The following B3GALT1 variants were observed in gnomAD, a reference collection of about 807,000 sequenced individuals.
B3GALT1 encodes the protein UDP-Gal:betaGlcNAc beta 1,3-galactosyltransferase, polypeptide 1.
Under a neutral mutation model 23.2 loss-of-function variants are expected in B3GALT1, and 10 were observed. That is an observed-to-expected ratio of 0.43 (90% CI 0.27 to 0.73). The LOEUF is 0.73. Among genes scored for constraint, B3GALT1 ranks in the 30% least tolerant of loss-of-function variants. The probability of loss-of-function intolerance (pLI) is 0.21; values close to 1 mark genes in which losing one functional copy is unlikely to be tolerated. For missense variants in B3GALT1, 299 were observed against 405.4 expected, an observed-to-expected ratio of 0.74 and a Z score of 2.25; for synonymous variants, 156 against 141.5, an observed-to-expected ratio of 1.10 and a Z score of -0.73.
chr2:167,475,916 G>T (rs924949487), intron 1 of B3GALT1, among the ~76,000 whole-genome samples: 5 of 152,266 alleles, frequency 3.3e-5, no homozygotes, highest in African/African-American at 1.2e-4. Flanking sequence ...AGCAGCAGCA[G>T]CCAAGGCAAC....
At chr2:167,689,195 T>C (rs1574214047) in intron 3 of B3GALT1, among the ~76,000 whole-genome samples, 1 of 146,686 alleles carries the variant, frequency 6.8e-6, no homozygotes, top group Non-Finnish European at 1.5e-5. Context: ...GCATTACTTA[T>C]AGAGCAAAAC....
intron 1 of B3GALT1, among the ~76,000 whole-genome samples, chr2:167,310,546 C>T (rs1214686299): frequency 1.3e-5 from 2 of 151,998 alleles, no homozygotes; most frequent in East Asian, 1.9e-4. Context: ...GGGAAGGAAT[C>T]AAACCGGTAT....
At chr2:167,822,389 AAC>A (rs1378722172) in intron 4 of B3GALT1, among the ~76,000 whole-genome samples, 3 of 152,192 alleles carry the variant, frequency 2.0e-5, no homozygotes, top group South Asian at 2.1e-4. Flanking sequence ...CTGTGTAATT[AAC>A]ACAGTCTTGA....
At chr2:167,570,439 G>A (rs909122835) in intron 2 of B3GALT1, among the ~76,000 whole-genome samples, 1 of 151,806 alleles carries the variant, frequency 6.6e-6, no homozygotes, top group African/African-American at 2.4e-5. Context: ...TGAGCGTACA[G>A]TTGTTCATGG....
chr2:167,698,376 A>G (rs1686818888), intron 3 of B3GALT1, among the ~76,000 whole-genome samples: 2 of 152,316 alleles, frequency 1.3e-5, no homozygotes, highest in African/African-American at 4.8e-5. Flanking sequence ...TCTCCTTCCT[A>G]TTTTGCAATC....
chr2:167,497,737 G>A (rs771474493), intron 2 of B3GALT1, among the ~76,000 whole-genome samples: 1 of 151,904 alleles, frequency 6.6e-6, no homozygotes, highest in Non-Finnish European at 1.5e-5. Flanking sequence ...GCAACAAAAA[G>A]ATTAGGAAGA....
intron 3 of B3GALT1, among the ~76,000 whole-genome samples, chr2:167,791,911 G>A (rs1417393297): frequency 2.0e-5 from 3 of 150,936 alleles, no homozygotes; most frequent in Admixed American, 6.6e-5. Flanking sequence ...AGATAAAAAA[G>A]CAAAAATACT....
chr2:167,745,223 T>C (rs1687635305), intron 3 of B3GALT1, among the ~76,000 whole-genome samples: 1 of 152,188 alleles, frequency 6.6e-6, no homozygotes, highest in Non-Finnish European at 1.5e-5. Flanking sequence ...ATATTAATTC[T>C]ATTCTAAAAC....
chr2:167,618,132 C>T (rs938253163), intron 2 of B3GALT1, among the ~76,000 whole-genome samples: 1 of 152,036 alleles, frequency 6.6e-6, no homozygotes, highest in African/African-American at 2.4e-5. Flanking sequence ...TTACCTGTCC[C>T]TCTATGAAAA....
At chr2:167,590,292 G>A (rs1036419942) in intron 2 of B3GALT1, among the ~76,000 whole-genome samples, 9 of 149,184 alleles carry the variant, frequency 6.0e-5, no homozygotes, top group Non-Finnish European at 8.9e-5. Context: ...CTTGCAGTGC[G>A]CTGAGATCGT....
rs541248218 is a variant in B3GALT1, at chr2:167,870,300, C to T, written c.*280C>T. ...CCAAACAACTCTTAGGATTGACGTA[C>T]CGTGCATCTGAGATAAAAATTTGGT... On this transcript the variant is annotated 3_prime_UTR_variant, in exon 5 of 5. Coordinates refer to ENST00000392690, the MANE Select transcript of B3GALT1 (RefSeq NM_020981.4). 1.0e-4 allele frequency: 30 copies of T among 287,608 alleles called. No homozygotes were observed. The South Asian group carries it at 3.3e-3, about 32-fold the overall frequency. 17.8% of individuals were successfully genotyped at this position (287,608 alleles called of 1,614,324 possible). A position where few individuals can be genotyped will look rare whatever the true frequency, so the allele number is the denominator to read the frequency against.
intron 3 of B3GALT1, among the ~76,000 whole-genome samples, chr2:167,682,279 T>C (rs1558947739): frequency 6.6e-6 from 1 of 152,218 alleles, no homozygotes; most frequent in Non-Finnish European, 1.5e-5. Flanking sequence ...ATAAATAAGA[T>C]AATGACCTTT....
chr2:167,838,727 AGG>A (rs1394624794), intron 4 of B3GALT1, among the ~76,000 whole-genome samples: 1 of 152,288 alleles, frequency 6.6e-6, no homozygotes, highest in Non-Finnish European at 1.5e-5. Context: ...ACAACCAAAA[AGG>A]AGAATTTTAG....
At chr2:167,473,390 TG>T (rs1699446076) in intron 1 of B3GALT1, among the ~76,000 whole-genome samples, 1 of 152,140 alleles carries the variant, frequency 6.6e-6, no homozygotes, top group Non-Finnish European at 1.5e-5. Flanking sequence ...GGTCACTTTC[TG>T]GCAGAAAAAG....
chr2:167,550,731 G>T (rs535901195), intron 2 of B3GALT1, among the ~76,000 whole-genome samples: 65 of 152,202 alleles, frequency 4.3e-4, no homozygotes, highest in Non-Finnish European at 7.8e-4. Context: ...TTGAAAGAGG[G>T]ATGAAAGAGA....
intron 2 of B3GALT1, among the ~76,000 whole-genome samples, chr2:167,533,657 G>A (rs1472571127): frequency 2.0e-5 from 3 of 152,040 alleles, no homozygotes; most frequent in Non-Finnish European, 4.4e-5. Context: ...TATTGTTTTT[G>A]TACTATTTTT....
chr2:167,666,816 C>A (rs1322577854), intron 3 of B3GALT1, among the ~76,000 whole-genome samples: 1 of 152,118 alleles, frequency 6.6e-6, no homozygotes, highest in Non-Finnish European at 1.5e-5. Flanking sequence ...GATCTTCCTC[C>A]ATCCTTTTAT....
At chr2:167,618,839 C>G (rs1343273172) in intron 2 of B3GALT1, among the ~76,000 whole-genome samples, 2 of 151,918 alleles carry the variant, frequency 1.3e-5, no homozygotes, top group Non-Finnish European at 2.9e-5. Flanking sequence ...TTGTATCCTT[C>G]TTAGTGCATC....
chr2:167,783,724 G>A (rs1218538099), intron 3 of B3GALT1, among the ~76,000 whole-genome samples: 4 of 152,304 alleles, frequency 2.6e-5, no homozygotes, highest in South Asian at 2.1e-4. Flanking sequence ...GGGAAATAGA[G>A]GTCAAAGAGA....
Sources: gnomAD v4.1 joint callset for allele counts (sites outside exome capture counted in the v4.1 genomes callset) on GRCh38, gnomAD v4.1.1 for gene constraint, MANE v1.5 for transcripts, NCBI Gene and HGNC (gene_info 2026-07-23, HGNC 2026-07-21) for gene names.